OTUB2: variants seen among roughly 807,000 people sequenced by gnomAD.
OTUB2 encodes the protein OTU deubiquitinase, ubiquitin aldehyde binding 2.
OTUB2 carries 21 observed loss-of-function variants against 25.1 expected under a neutral mutation model. That is an observed-to-expected ratio of 0.84 (90% CI 0.59 to 1.21). The LOEUF is 1.21. Ranked by LOEUF, OTUB2 falls within the 50% of genes most tolerant of loss-of-function variation. The pLI, the probability that OTUB2 is intolerant of heterozygous loss-of-function variation, is 0.00. For synonymous variants in OTUB2, 122 were observed against 122.8 expected (o/e 0.99, Z 0.04); for missense variants, 283 against 298.0 (o/e 0.95, Z 0.37).
In OTUB2 at chr14:94,026,436, C is replaced by A. The variant is rs529094217; in HGVS notation, c.-102C>A. 7.7e-7 allele frequency: 1 copy of A among 1,303,618 alleles called. No homozygotes were observed. Among genetic ancestry groups the A allele is most frequent in the Non-Finnish European group, 9.8e-7 (1 of 1,025,394 alleles). The allele number at this position is 1,303,618 out of a possible 1,614,324, so 80.8% of individuals were successfully genotyped here. On this transcript the variant is annotated 5_prime_UTR_variant, in exon 1 of 6. Coordinates refer to ENST00000203664, the MANE Select transcript of OTUB2 (RefSeq NM_023112.4). Reference sequence around the variant, plus strand: ...GCCGCCCCCACGCCCTCGAGGTCCCCGCCACCGAACCAGCGGCGGAGCCCG... The same window carrying A: ...GCCGCCCCCACGCCCTCGAGGTCCCAGCCACCGAACCAGCGGCGGAGCCCG...
intron 3 of OTUB2, among the ~76,000 whole-genome samples, chr14:94,043,058 C>A (rs1885194032): frequency 6.6e-6 from 1 of 152,168 alleles, no homozygotes; most frequent in Non-Finnish European, 1.5e-5. Context: ...GGCAAATACT[C>A]CTCCTTCTGA....
rs983613872 is a variant in OTUB2, at chr14:94,037,383, G to A, written c.7G>A (p.Glu3Lys). The A allele has an allele frequency of 1.9e-6, 3 of 1,578,594 alleles. No individual in the cohort carries two copies. The African/African-American group carries it at 4.1e-5, about 21-fold the overall frequency. ...TTCTTCCTTCCCTATCTTTCAGAGT[G>A]AAACATCTTTCAACCTAATATCAGA... is the stretch of plus-strand genomic sequence containing the variant. MS[E>K]TSFNLISEKC... is the part of the protein sequence containing the mutation. The change falls in exon 2 of 6, where the codon GAA becomes AAA. Residue 3 changes from glutamate (E) to lysine (K), a missense_variant. Glu to Lys is a moderately conservative substitution (Grantham distance 56). Transcript: ENST00000203664.
At chr14:94,033,100 C>T (rs1350558664) in intron 1 of OTUB2, among the ~76,000 whole-genome samples, 2 of 152,168 alleles carry the variant, frequency 1.3e-5, no homozygotes, top group African/African-American at 4.8e-5. Context: ...TTAGTGGAGA[C>T]GGAGTTTTGC....
rs140203613 is a variant in OTUB2, at chr14:94,037,226, G to A, written c.4-154G>A. ...TGGAAATGCGGTGATCCCAACGGGC[G>A]TCTAGGATGCTGGTAACATACTCCC... On this transcript the variant is annotated intron_variant, in intron 1 of 5. Coordinates refer to ENST00000203664, the MANE Select transcript of OTUB2 (RefSeq NM_023112.4). 2.8e-3 allele frequency among the ~76,000 whole-genome samples: 429 copies of A among 152,256 alleles called. 3 individuals carry two copies. The highest frequency in any genetic ancestry group is 9.8e-3 in the African/African-American group (408 of 41,548).
rs1481472190 is a variant in OTUB2 at position 94,048,677 on chromosome 14, G to C, written c.*2755G>C. The stretch of plus-strand genomic sequence containing the variant: ...TGTCCTTCCTGACAGGAAGCATAGG[G>C]CACTGCAGATGGGGAAGCATGTCAC... On this transcript the variant is annotated 3_prime_UTR_variant, in exon 6 of 6. Transcript: ENST00000203664. 6.6e-6 allele frequency: 1 copy of C among 152,234 alleles called. No individual in the cohort carries two copies. The highest frequency in any genetic ancestry group is 1.5e-5 in the Non-Finnish European group (1 of 68,048). 9.4% of individuals were successfully genotyped at this position (152,234 alleles called of 1,614,324 possible). A position where few individuals can be genotyped will look rare whatever the true frequency, so the allele number is the denominator to read the frequency against.
chr14:94,045,855 C>A lies in OTUB2; in HGVS notation c.638C>A (p.Thr213Asn), dbSNP rs374701893. The A allele has an allele frequency of 6.2e-7, 1 of 1,614,216 alleles. No individual in the cohort carries two copies. Among genetic ancestry groups the A allele is most frequent in the Non-Finnish European group, 8.5e-7 (1 of 1,180,050 alleles). The change falls in exon 6 of 6, where the codon ACC becomes AAC. Residue 213 changes from threonine to asparagine, a missense_variant. By Grantham distance (65) the Thr-to-Asn change is moderately conservative (BLOSUM62 0). Transcript: ENST00000203664. ...LNHHVFPEAA[T>N]PSVYLLYKTS... is the part of the protein sequence containing the mutation. ...CACCACGTGTTCCCTGAGGCCGCCA[C>A]CCCTTCCGTTTACCTGCTCTATAAA...
intron 3 of OTUB2, 198 bp downstream of exon 3, chr14:94,039,279 A>G: frequency 1.7e-6 from 1 of 593,570 alleles, no homozygotes. Flanking sequence ...GGGGTGGAGG[A>G]TGGAATCTGT....
intron 3 of OTUB2, 191 bp downstream of exon 3, chr14:94,039,272 G>C: frequency 3.3e-6 from 2 of 598,560 alleles, no homozygotes; most frequent in Non-Finnish European, 5.9e-6. Context: ...CAGCCAAGGG[G>C]TGGAGGATGG....
intron 5 of OTUB2, among the ~76,000 whole-genome samples, 161 bp from the exon 6 acceptor site, chr14:94,045,555 C>T (rs544025847): frequency 2.6e-5 from 4 of 152,288 alleles, no homozygotes; most frequent in Admixed American, 1.3e-4. Context: ...GGCTGTTTCC[C>T]GTGTGGCATG....
At chr14:94,030,564 T>C (rs8011648) in intron 1 of OTUB2, among the ~76,000 whole-genome samples, 80,886 of 151,568 alleles carry the variant, frequency 0.53, 23,212 homozygotes, top group African/African-American at 0.76. Context: ...CAAAGCCAGC[T>C]AATAACTGAC....
At chr14:94,036,237 G>C (rs76627101) in intron 1 of OTUB2, among the ~76,000 whole-genome samples, 12,999 of 152,172 alleles carry the variant, frequency 0.085, 760 homozygotes, top group Non-Finnish European at 0.12. Flanking sequence ...GGTGTGACAT[G>C]AAAAAGGCCA....
intron 1 of OTUB2, among the ~76,000 whole-genome samples, chr14:94,029,383 G>A (rs976072254): frequency 5.3e-5 from 8 of 152,212 alleles, no homozygotes; most frequent in Non-Finnish European, 7.3e-5. Context: ...AGATCAAGGT[G>A]TCAGCAGGGC....
Position 94,044,771 on chromosome 14 carries a change from C to T in OTUB2, c.489C>T (p.Phe163=). 1 of 1,612,186 alleles carries T rather than the reference C, an allele frequency of 6.2e-7. No individual in the cohort carries two copies. The highest frequency in any genetic ancestry group is 8.5e-7 in the Non-Finnish European group (1 of 1,179,682). ...FIDEEMDIKD[F]CTHEVEPMAT... ...ATGAGGAGATGGACATCAAAGACTTCTGCACTCACGTAGGTGCTTGGGGTC... is the reference window on the plus strand; with the variant it reads ...ATGAGGAGATGGACATCAAAGACTTTTGCACTCACGTAGGTGCTTGGGGTC... Residue 163 remains phenylalanine (F), a synonymous_variant, in exon 5 of 6, where the codon TTC becomes TTT. Coordinates refer to ENST00000203664, the MANE Select transcript of OTUB2 (RefSeq NM_023112.4).
At chr14:94,031,041 C>T (rs538631838) in intron 1 of OTUB2, among the ~76,000 whole-genome samples, 84 of 152,148 alleles carry the variant, frequency 5.5e-4, no homozygotes, top group Non-Finnish European at 7.2e-4. Flanking sequence ...ACAGCAGCCA[C>T]AGGAAACTCA....
intron 1 of OTUB2, among the ~76,000 whole-genome samples, chr14:94,028,495 C>T (rs1360096625): frequency 2.0e-5 from 3 of 152,220 alleles, no homozygotes; most frequent in Admixed American, 2.0e-4. Flanking sequence ...AGGACCAGAC[C>T]TCTGGCAGGG....
chr14:94,042,548 G>A (rs1885183994), intron 3 of OTUB2, among the ~76,000 whole-genome samples: 1 of 152,236 alleles, frequency 6.6e-6, no homozygotes, highest in Non-Finnish European at 1.5e-5. Flanking sequence ...TGGCCATGCA[G>A]GGACAGAGTG....
chr14:94,026,465 G>A lies in OTUB2; in HGVS notation c.-73G>A. The A allele has an allele frequency of 7.6e-7, 1 of 1,322,724 alleles. No individual in the cohort carries two copies. The highest frequency in any genetic ancestry group is 1.5e-5 in the African/African-American group (1 of 65,402). 81.9% of individuals were successfully genotyped at this position (1,322,724 alleles called of 1,614,324 possible). On this transcript the variant is annotated 5_prime_UTR_variant, in exon 1 of 6. Coordinates refer to ENST00000203664, the MANE Select transcript of OTUB2 (RefSeq NM_023112.4). The stretch of plus-strand genomic sequence containing the variant: ...ACCGAACCAGCGGCGGAGCCCGCCC[G>A]CGCCTCCCGCGGCATTCCCGCACCG...
chr14:94,044,905 G>A, intron 5 of OTUB2, 125 bp downstream of exon 5: 1 of 1,028,548 alleles, frequency 9.7e-7, no homozygotes, highest in Non-Finnish European at 1.4e-6. Context: ...TTCAAACAGA[G>A]CTAGGTCAGC....
intron 1 of OTUB2, among the ~76,000 whole-genome samples, chr14:94,035,221 G>C (rs1885029142): frequency 6.6e-6 from 1 of 150,636 alleles, no homozygotes; most frequent in South Asian, 2.1e-4. Context: ...CCAAGTGTTT[G>C]CATGCCCTGT....
Sources: gnomAD v4.1 joint callset for allele counts (sites outside exome capture counted in the v4.1 genomes callset) on GRCh38, gnomAD v4.1.1 for gene constraint, MANE v1.5 for transcripts, NCBI Gene and HGNC (gene_info 2026-07-23, HGNC 2026-07-21) for gene names.